The following NCKAP5 variants were observed in gnomAD, a reference collection of about 807,000 sequenced individuals.
The protein encoded by NCKAP5 is NCK associated protein 5.
In NCKAP5, 92 loss-of-function variants were observed where a neutral mutation model predicts 167.0. That is an observed-to-expected ratio of 0.55 (90% CI 0.47 to 0.66). The LOEUF (loss-of-function observed/expected upper bound fraction) is 0.66. Among genes scored for constraint, NCKAP5 ranks in the 30% least tolerant of loss-of-function variants. The pLI, the probability that NCKAP5 is intolerant of heterozygous loss-of-function variation, is 0.00. For missense variants in NCKAP5, 2,378 were observed against 2,315.0 expected (o/e 1.03, Z -0.56); for synonymous variants, 891 against 877.4 (o/e 1.02, Z -0.27).
chr2:133,635,202 G>A, the NCKAP5 span, among the ~76,000 whole-genome samples: 23 of 152,194 alleles, frequency 1.5e-4, no homozygotes, highest in African/African-American at 5.3e-4. Flanking sequence ...TCTGGCAACT[G>A]CATGCAGACA....
chr2:132,938,093 T>C (rs1232392665), intron 8 of NCKAP5, among the ~76,000 whole-genome samples: 3 of 152,206 alleles, frequency 2.0e-5, no homozygotes, highest in Non-Finnish European at 2.9e-5. Flanking sequence ...ATTTTGAAAG[T>C]CATCTCTTTC....
chr2:132,987,655 G>T (rs559285143), intron 7 of NCKAP5, among the ~76,000 whole-genome samples: 1 of 152,230 alleles, frequency 6.6e-6, no homozygotes, highest in South Asian at 2.1e-4. Flanking sequence ...CAACAGCTCA[G>T]GGCTCTTTAA....
At position 133,467,428 on chromosome 2, in the gene NCKAP5, A is replaced by G. The variant is rs1191075286; in HGVS notation, c.69+50030T>C. ...TCATTTTGCCAGTATTTTATTGAGG[A>G]TTTTTGCATCAATGTTCATCAGGGA... On this transcript the variant is annotated intron_variant, in intron 3 of 19. Transcript: ENST00000409261. Among the ~76,000 whole-genome samples the G allele has an allele frequency of 1.5e-3, 231 of 152,112 alleles. 1 individual carries two copies. The highest frequency in any genetic ancestry group is 5.4e-3 in the African/African-American group (226 of 41,476).
At chr2:132,794,285 G>GAT (rs1684368263) in intron 12 of NCKAP5, among the ~76,000 whole-genome samples, 1 of 118,028 alleles carries the variant, frequency 8.5e-6, no homozygotes, top group East Asian at 2.4e-4. Flanking sequence ...GAGAGAGAGA[G>GAT]AGAGAGAGAG....
chr2:133,164,220 A>C (rs946804007), intron 5 of NCKAP5, among the ~76,000 whole-genome samples: 14 of 152,248 alleles, frequency 9.2e-5, no homozygotes, highest in African/African-American at 3.4e-4. Flanking sequence ...CCACACACAC[A>C]AAAAGAAAAA....
At chr2:133,028,358 C>T (rs1180670764) in intron 6 of NCKAP5, among the ~76,000 whole-genome samples, 1 of 152,146 alleles carries the variant, frequency 6.6e-6, no homozygotes, top group East Asian at 1.9e-4. Context: ...GATAATTTTA[C>T]TTTTCCATGA....
chr2:132,804,542 C>T (rs1284525878), intron 11 of NCKAP5, among the ~76,000 whole-genome samples: 2 of 151,992 alleles, frequency 1.3e-5, no homozygotes, highest in South Asian at 2.1e-4. Context: ...TTTCACCAAA[C>T]TAAAAGGATT....
In NCKAP5 at chr2:133,276,110, C is replaced by T. The variant is rs75784344; in HGVS notation, c.143+26927G>A. Among the ~76,000 whole-genome samples the T allele has an allele frequency of 1.1e-4, 16 of 152,116 alleles. No homozygotes were observed. In the East Asian group the frequency reaches 1.4e-3, roughly 13 times the overall value. ...GGATGAAGGTCTTTATGATGATCCA[C>T]GTCCATTTCATGAATAGGAAACATT... On this transcript the variant is annotated intron_variant, in intron 4 of 19. Coordinates refer to ENST00000409261, the MANE Select transcript of NCKAP5 (RefSeq NM_207363.3).
chr2:132,901,300 T>G (rs1416487667), intron 8 of NCKAP5, among the ~76,000 whole-genome samples: 1 of 152,218 alleles, frequency 6.6e-6, no homozygotes. Context: ...ACTTAGGTTT[T>G]GTGGTAGCAA....
intron 6 of NCKAP5, among the ~76,000 whole-genome samples, chr2:133,034,569 G>T (rs2078982159): frequency 6.6e-6 from 1 of 151,952 alleles, no homozygotes. Context: ...ACATTTTCAG[G>T]ACATAGTACA....
intron 4 of NCKAP5, among the ~76,000 whole-genome samples, chr2:133,214,687 G>A (rs992435598): frequency 2.0e-5 from 3 of 152,146 alleles, no homozygotes; most frequent in African/African-American, 7.2e-5. Flanking sequence ...ATAGGGGTAA[G>A]TGAATTCTTC....
intron 11 of NCKAP5, among the ~76,000 whole-genome samples, chr2:132,797,066 C>T (rs866707402): frequency 6.6e-6 from 1 of 152,154 alleles, no homozygotes; most frequent in African/African-American, 2.4e-5. Flanking sequence ...TGAAAATTAA[C>T]ATTTGATATT....
At chr2:133,412,739 A>C (rs978680859) in intron 3 of NCKAP5, among the ~76,000 whole-genome samples, 1 of 152,224 alleles carries the variant, frequency 6.6e-6, no homozygotes, top group Non-Finnish European at 1.5e-5. Context: ...GCAACTTTTA[A>C]ATCAGTATCA....
chr2:132,715,209 T>C (rs74369815), intron 19 of NCKAP5, among the ~76,000 whole-genome samples: 1,925 of 152,310 alleles, frequency 0.013, 12 homozygotes, highest in Non-Finnish European at 0.019. Context: ...TTGCACATGA[T>C]AATAGTTACT....
chr2:132,851,063 A>G (rs1253611577), intron 11 of NCKAP5, among the ~76,000 whole-genome samples: 2 of 151,228 alleles, frequency 1.3e-5, no homozygotes, highest in African/African-American at 2.4e-5. Flanking sequence ...TTGAGATGTT[A>G]GGCCGACAGT....
chr2:133,295,796 A>C (rs1679919293), intron 4 of NCKAP5, among the ~76,000 whole-genome samples: 1 of 152,170 alleles, frequency 6.6e-6, no homozygotes, highest in Admixed American at 6.5e-5. Context: ...GTGCAGATAT[A>C]GCTTGTTCAA....
chr2:133,170,508 C>T (rs146180787), intron 5 of NCKAP5, among the ~76,000 whole-genome samples: 7 of 152,284 alleles, frequency 4.6e-5, no homozygotes, highest in East Asian at 1.9e-4. Context: ...ATGACTGTAA[C>T]GAAGTAATCT....
intron 11 of NCKAP5, among the ~76,000 whole-genome samples, chr2:132,837,917 A>ATC (rs1688012352): frequency 6.6e-6 from 1 of 152,020 alleles, no homozygotes; most frequent in African/African-American, 2.4e-5. Flanking sequence ...GGTGGTGTAC[A>ATC]TCTGGGTGGT....
At chr2:133,325,592 C>A (rs1175986388) in intron 3 of NCKAP5, among the ~76,000 whole-genome samples, 1 of 152,180 alleles carries the variant, frequency 6.6e-6, no homozygotes, top group African/African-American at 2.4e-5. Flanking sequence ...TGGGTGCAGG[C>A]ACTGGACATT....
Sources: gnomAD v4.1 joint callset for allele counts (sites outside exome capture counted in the v4.1 genomes callset) on GRCh38, gnomAD v4.1.1 for gene constraint, MANE v1.5 for transcripts, NCBI Gene and HGNC (gene_info 2026-07-23, HGNC 2026-07-21) for gene names.